NEDD4L: variants seen among roughly 807,000 people sequenced by gnomAD.
The protein encoded by NEDD4L is NEDD4 like E3 ubiquitin protein ligase.
Under a neutral mutation model 148.9 loss-of-function variants are expected in NEDD4L, and 54 were observed. That is an observed-to-expected ratio of 0.36 (90% confidence interval 0.29 to 0.45). NEDD4L has a LOEUF of 0.45. NEDD4L is among the 20% of genes least tolerant of loss of function. The pLI, the probability that NEDD4L is intolerant of heterozygous loss-of-function variation, is 1.00. For synonymous variants in NEDD4L, 433 were observed against 440.7 expected (o/e 0.98, Z 0.22); for missense variants, 856 against 1,233.8 (o/e 0.69, Z 4.59).
At chr18:58,273,059 C>A (rs1174971641) in intron 5 of NEDD4L, among the ~76,000 whole-genome samples, 1 of 152,232 alleles carries the variant, frequency 6.6e-6, no homozygotes, top group Non-Finnish European at 1.5e-5. Flanking sequence ...GCCAGTGGAA[C>A]TGCAGCGGAA....
intron 2 of NEDD4L, among the ~76,000 whole-genome samples, chr18:58,211,359 G>A (rs1437701639): frequency 6.6e-6 from 1 of 152,082 alleles, no homozygotes; most frequent in Non-Finnish European, 1.5e-5. Flanking sequence ...ATAAAAGATA[G>A]GTCTCTAGAA....
At chr18:58,375,356 G>GTTCTCCAGTGCCCC (rs2047429438) in intron 24 of NEDD4L, among the ~76,000 whole-genome samples, 1 of 151,830 alleles carries the variant, frequency 6.6e-6, no homozygotes, top group African/African-American at 2.4e-5. Context: ...TCCAGTGCCC[G>GTTCTCCAGTGCCCC]CCTAGCTGTG....
intron 1 of NEDD4L, among the ~76,000 whole-genome samples, chr18:58,117,338 T>C (rs1362702030): frequency 6.6e-6 from 1 of 152,248 alleles, no homozygotes; most frequent in Non-Finnish European, 1.5e-5. Flanking sequence ...TTACTTTTTA[T>C]CATATTCGAA....
chr18:58,213,236 A>G (rs979416478), intron 2 of NEDD4L, among the ~76,000 whole-genome samples: 1 of 152,288 alleles, frequency 6.6e-6, no homozygotes, highest in East Asian at 1.9e-4. Context: ...GTCCTCGGTT[A>G]TTTGTCTTTT....
chr18:58,142,122 C>T (rs1315974261), intron 1 of NEDD4L, among the ~76,000 whole-genome samples: 1 of 140,700 alleles, frequency 7.1e-6, no homozygotes, highest in Non-Finnish European at 1.5e-5. Flanking sequence ...TCTGGGGTCA[C>T]TGCAAGCTCC....
intron 5 of NEDD4L, among the ~76,000 whole-genome samples, chr18:58,289,524 A>G (rs962081768): frequency 3.3e-5 from 5 of 152,202 alleles, no homozygotes; most frequent in Admixed American, 1.3e-4. Flanking sequence ...GGTTATAAAC[A>G]TAAGTGTGTT....
chr18:58,075,254 A>G (rs539802135), intron 1 of NEDD4L, among the ~76,000 whole-genome samples: 2 of 152,286 alleles, frequency 1.3e-5, no homozygotes, highest in South Asian at 2.1e-4. Context: ...ATGTTCAAAC[A>G]GTTCTCCCGC....
intron 5 of NEDD4L, among the ~76,000 whole-genome samples, chr18:58,275,694 C>T (rs916797618): frequency 1.3e-5 from 2 of 152,196 alleles, no homozygotes; most frequent in African/African-American, 4.8e-5. Context: ...GATGCCCAGG[C>T]TTCATGGCTG....
intron 25 of NEDD4L, 43 bp from the exon 26 acceptor site, chr18:58,385,483 T>G: frequency 6.6e-7 from 1 of 1,505,034 alleles, no homozygotes; most frequent in South Asian, 1.1e-5. Context: ...TGAGCACTAG[T>G]GATGATGGAG....
At chr18:58,153,546 G>T (rs930667045) in intron 1 of NEDD4L, among the ~76,000 whole-genome samples, 5 of 151,972 alleles carry the variant, frequency 3.3e-5, no homozygotes, top group Non-Finnish European at 7.4e-5. Context: ...CACCATGTTG[G>T]CCAGGCTGGT....
chr18:58,147,562 G>T (rs1027712247), intron 1 of NEDD4L, among the ~76,000 whole-genome samples: 6 of 152,192 alleles, frequency 3.9e-5, no homozygotes, highest in African/African-American at 1.4e-4. Flanking sequence ...TGTCAGGACG[G>T]CTGTTAATAC....
At chr18:58,109,193 C>A (rs2085260316) in intron 1 of NEDD4L, among the ~76,000 whole-genome samples, 1 of 152,216 alleles carries the variant, frequency 6.6e-6, no homozygotes, top group African/African-American at 2.4e-5. Context: ...ATTGAGCTTC[C>A]AGGCAGGCGG....
intron 1 of NEDD4L, among the ~76,000 whole-genome samples, chr18:58,085,022 G>A (rs1035083141): frequency 3.9e-5 from 6 of 152,140 alleles, no homozygotes; most frequent in Admixed American, 3.3e-4. Flanking sequence ...ACAAATATCC[G>A]CTAGTGTCTC....
At chr18:58,340,028 T>G (rs1016250923) in intron 13 of NEDD4L, among the ~76,000 whole-genome samples, 8 of 152,240 alleles carry the variant, frequency 5.3e-5, no homozygotes, top group African/African-American at 1.9e-4. Context: ...GGGCTCCTCC[T>G]ATACCTTTAG....
At chr18:58,321,332 C>T (rs1346638607) in intron 6 of NEDD4L, among the ~76,000 whole-genome samples, 1 of 152,204 alleles carries the variant, frequency 6.6e-6, no homozygotes, top group Non-Finnish European at 1.5e-5. Flanking sequence ...ACAGCCATGC[C>T]ATCCAGAGTC....
In NEDD4L at chr18:58,396,982, A is replaced by G. The variant is rs2050536832; in HGVS notation, c.*713A>G. 6.6e-6 allele frequency: 1 copy of G among 152,638 alleles called. No individual in the cohort carries two copies. The highest frequency in any genetic ancestry group is 1.5e-5 in the Non-Finnish European group (1 of 68,036). The allele number at this position is 152,638 out of a possible 1,614,324, so 9.5% of individuals were successfully genotyped here. Reference sequence around the variant, plus strand: ...AAATTTAGCTAATAGCTACAGGCTGAGAGAATTGTAACATAGCATGACAAA... The same window carrying G: ...AAATTTAGCTAATAGCTACAGGCTGGGAGAATTGTAACATAGCATGACAAA... On this transcript the variant is annotated 3_prime_UTR_variant, in exon 31 of 31. Transcript: ENST00000400345.
At chr18:58,218,575 C>T (rs911928766) in intron 2 of NEDD4L, among the ~76,000 whole-genome samples, 7 of 152,130 alleles carry the variant, frequency 4.6e-5, no homozygotes, top group Admixed American at 2.6e-4. Flanking sequence ...GGAGGCTGCT[C>T]GTCCCTCCTC....
intron 5 of NEDD4L, among the ~76,000 whole-genome samples, chr18:58,274,286 T>C (rs970842442): frequency 6.6e-6 from 1 of 152,204 alleles, no homozygotes; most frequent in Non-Finnish European, 1.5e-5. Context: ...TGTTGGGCTC[T>C]GAAGTTGTAG....
chr18:58,276,679 A>G, intron 5 of NEDD4L, among the ~76,000 whole-genome samples: 1 of 128,300 alleles, frequency 7.8e-6, no homozygotes, highest in East Asian at 2.0e-4. Context: ...GTGGTCAGCT[A>G]TAATAATAAT....
Sources: gnomAD v4.1 joint callset for allele counts (sites outside exome capture counted in the v4.1 genomes callset) on GRCh38, gnomAD v4.1.1 for gene constraint, MANE v1.5 for transcripts, NCBI Gene and HGNC (gene_info 2026-07-23, HGNC 2026-07-21) for gene names.